PRH1: variants seen among roughly 807,000 people sequenced by gnomAD.
PRH1 encodes the protein proline rich protein HaeIII subfamily 1.
Under a neutral mutation model 7.9 loss-of-function variants are expected in PRH1, and 7 were observed. The ratio of observed to expected loss-of-function variants is 0.89; its 90% CI spans 0.50 to 1.67. The LOEUF (loss-of-function observed/expected upper bound fraction) is 1.67, where lower values mean the gene tolerates loss of function less well. Ranked by LOEUF, PRH1 falls within the 40% of genes most tolerant of loss-of-function variation. The pLI, the probability that PRH1 is intolerant of heterozygous loss-of-function variation, is 0.00. For missense variants in PRH1, 109 were observed against 223.6 expected (o/e 0.49, Z 3.27); for synonymous variants, 45 against 80.8 (o/e 0.56, Z 2.38).
intron 1 of PRH1, among the ~76,000 whole-genome samples, chr12:11,125,359 A>C (rs1411212284): frequency 2.0e-5 from 3 of 152,274 alleles, no homozygotes. Context: ...TTACACAAAT[A>C]CTCTTTGCAA....
At chr12:11,017,501 T>C (rs889231980) in intron 1 of PRH1, among the ~76,000 whole-genome samples, 1 of 149,804 alleles carries the variant, frequency 6.7e-6, no homozygotes, top group Admixed American at 6.7e-5. Context: ...TTATTTATAT[T>C]TGAGATAGAG....
At chr12:11,137,192 TCCA>T (rs1262102343) in intron 1 of PRH1, among the ~76,000 whole-genome samples, 1 of 149,102 alleles carries the variant, frequency 6.7e-6, no homozygotes, top group African/African-American at 2.5e-5. Context: ...CAACCACAGC[TCCA>T]CCAATCTATT....
At chr12:10,906,769 TGTCA>T (rs1289163811) in intron 2 of PRH1, among the ~76,000 whole-genome samples, 1 of 152,218 alleles carries the variant, frequency 6.6e-6, no homozygotes, top group African/African-American at 2.4e-5. Context: ...CATGTGGAAC[TGTCA>T]GTCAATTAAA....
chr12:11,109,276 T>C (rs1316734247), intron 1 of PRH1, among the ~76,000 whole-genome samples: 1 of 152,138 alleles, frequency 6.6e-6, no homozygotes, highest in Non-Finnish European at 1.5e-5. Context: ...CCTGACACTC[T>C]GAAAAGAGCA....
chr12:11,152,903 G>A (rs1947142716), intron 1 of PRH1, among the ~76,000 whole-genome samples: 1 of 152,198 alleles, frequency 6.6e-6, no homozygotes, highest in African/African-American at 2.4e-5. Flanking sequence ...CTGAGACTCA[G>A]AATGAGACTG....
At chr12:11,106,714 T>C (rs571000916) in intron 1 of PRH1, among the ~76,000 whole-genome samples, 3 of 152,316 alleles carry the variant, frequency 2.0e-5, no homozygotes, top group Middle Eastern at 6.8e-3. Flanking sequence ...TACAGTATAA[T>C]TGTTTCTAAC....
At chr12:10,963,077 C>T (rs1297307966) in intron 2 of PRH1, among the ~76,000 whole-genome samples, 1 of 152,084 alleles carries the variant, frequency 6.6e-6, no homozygotes, top group Non-Finnish European at 1.5e-5. Flanking sequence ...ACCAGGGTCT[C>T]TGCTTTTATG....
At chr12:11,057,608 T>C (rs1169871485) in intron 1 of PRH1, among the ~76,000 whole-genome samples, 9 of 152,238 alleles carry the variant, frequency 5.9e-5, no homozygotes, top group Admixed American at 5.9e-4. Context: ...TTACAGGGGA[T>C]GGTAGTCCTT....
chr12:11,064,472 T>C (rs1057060362), intron 1 of PRH1, among the ~76,000 whole-genome samples: 3 of 152,136 alleles, frequency 2.0e-5, no homozygotes, highest in Non-Finnish European at 4.4e-5. Flanking sequence ...TACTAGAGCA[T>C]TCTTTCATAT....
At chr12:11,133,076 AAAC>A (rs980365754) in intron 1 of PRH1, 11 of 591,492 alleles carry the variant, frequency 1.9e-5, no homozygotes, top group South Asian at 1.5e-4. Flanking sequence ...TTTTGTGAAA[AAAC>A]AATAAAAAGC....
intron 1 of PRH1, among the ~76,000 whole-genome samples, chr12:11,089,281 A>G (rs1232998132): frequency 2.6e-5 from 3 of 116,390 alleles, no homozygotes; most frequent in East Asian, 4.2e-4. Context: ...AGACAGAACA[A>G]CAGAGATGAT....
At chr12:10,886,113 A>C (rs562699273), upstream of PRH1, among the ~76,000 whole-genome samples, 6 of 152,304 alleles carry the variant, frequency 3.9e-5, no homozygotes, top group Non-Finnish European at 5.9e-5. Flanking sequence ...TATGAGTTGT[A>C]TCTCAGGCAC....
At position 11,077,604 on chromosome 12, in the gene PRH1, G is replaced by C. The variant is rs1174586815; in HGVS notation, n.124-30416C>G. ...TGGTGCTGAGATCTTGAGATCCTTTGCCATGGAGCTGCATCTTCTTGAGAT... is the reference window on the plus strand; with the variant it reads ...TGGTGCTGAGATCTTGAGATCCTTTCCCATGGAGCTGCATCTTCTTGAGAT... On this transcript the variant is annotated intron_variant and non_coding_transcript_variant, in intron 1 of 4. Transcript: ENST00000541977. 22 of 1,302,868 alleles carry C rather than the reference G, an allele frequency of 1.7e-5. 3 individuals are homozygous for C. In the African/African-American group the frequency reaches 2.9e-4, roughly 17 times the overall value. 80.7% of individuals were successfully genotyped at this position (1,302,868 alleles called of 1,614,324 possible).
intron 1 of PRH1, among the ~76,000 whole-genome samples, chr12:11,083,147 ATG>A (rs1423807143): frequency 1.2e-5 from 1 of 80,042 alleles, no homozygotes. Context: ...AAAAATTGTC[ATG>A]TATATTTAAT....
chr12:10,989,519 T>TC (rs1350604501), intron 1 of PRH1, among the ~76,000 whole-genome samples: 3 of 152,172 alleles, frequency 2.0e-5, no homozygotes, highest in Non-Finnish European at 4.4e-5. Context: ...CATAGAAAAT[T>TC]CCGAATTTAA....
chr12:10,964,834 G>C, intron 2 of PRH1: 1 of 546,562 alleles, frequency 1.8e-6, no homozygotes, highest in Non-Finnish European at 3.4e-6. Flanking sequence ...TATCTGAAAG[G>C]TGCGTCGGAT....
At position 11,168,291 on chromosome 12, in the gene PRH1, AGAAAGAAAGAAGGAAG is replaced by A. The variant is rs1565725911; in HGVS notation, n.39+3115_39+3130del. Among the ~76,000 whole-genome samples the A allele has an allele frequency of 2.3e-3, 35 of 15,392 alleles. 8 individuals carry two copies. Among genetic ancestry groups the A allele is most frequent in the South Asian group, 4.1e-3 (2 of 492 alleles). The allele number at this position is 15,392 out of a possible 152,430, so 10.1% of individuals were successfully genotyped here. A position where few individuals can be genotyped will look rare whatever the true frequency, so the allele number is the denominator to read the frequency against. ...AAGAAAGAAAGAAAGAAAGAAAGAA[AGAAAGAAAGAAGGAAG>A]GAAGGAAGGAAGGAAGGAAGGAAGG... On this transcript the variant is annotated intron_variant and non_coding_transcript_variant, in intron 1 of 1. Coordinates refer to the PRH1 transcript ENST00000541175.
At chr12:11,151,548 T>C (rs1279088391) in intron 1 of PRH1, among the ~76,000 whole-genome samples, 2 of 152,198 alleles carry the variant, frequency 1.3e-5, no homozygotes, top group African/African-American at 2.4e-5. Context: ...CAGCTAAATA[T>C]GTCTTGTATT....
At chr12:11,045,510 T>C (rs1942871775) in intron 1 of PRH1, among the ~76,000 whole-genome samples, 1 of 152,150 alleles carries the variant, frequency 6.6e-6, no homozygotes, top group Non-Finnish European at 1.5e-5. Context: ...ATTGCATGCC[T>C]GTATCAACAC....
Sources: allele counts gnomAD v4.1 joint callset (sites outside exome capture counted in the v4.1 genomes callset), GRCh38; gene constraint gnomAD v4.1.1; transcripts MANE v1.5; gene names NCBI Gene and HGNC (gene_info 2026-07-23, HGNC 2026-07-21).